MAGEA4: variants seen among roughly 807,000 people sequenced by gnomAD.
MAGEA4 encodes the protein melanoma-associated antigen 4.
A neutral mutation model predicts 13.7 loss-of-function variants in MAGEA4; 1 was observed. The observed-to-expected ratio is 0.07, with a 90% CI of 0.03 to 0.35. MAGEA4 has a LOEUF of 0.35. Ranked by LOEUF, MAGEA4 falls within the 10% of genes least tolerant of loss-of-function variation. The pLI is 0.99. For synonymous variants in MAGEA4, 132 were observed against 101.1 expected, an observed-to-expected ratio of 1.31 and a Z score of -1.83; for missense variants, 312 against 245.1, an observed-to-expected ratio of 1.27 and a Z score of -1.82.
chrX:151,924,919 A>T lies in MAGEA4; in HGVS notation c.*301A>T, dbSNP rs1933641283. On this transcript the variant is annotated 3_prime_UTR_variant, in exon 3 of 3. Transcript: ENST00000276344. ...GCTGTTAATATAGTTTAGGAGTAAG[A>T]GTCTTGTTTTTTATTCAGATTGGGA... 4.5e-6 allele frequency: 1 copy of T among 221,590 alleles called. No individual in the cohort carries two copies. Among genetic ancestry groups the T allele is most frequent in the Non-Finnish European group, 8.5e-6 (1 of 117,664 alleles). 18.3% of individuals were successfully genotyped at this position (221,590 alleles called of 1,213,427 possible). A position where few individuals can be genotyped will look rare whatever the true frequency, so the allele number is the denominator to read the frequency against.
chrX:151,920,990 C>T (rs1320570581), intron 1 of MAGEA4, among the ~76,000 whole-genome samples: 2 of 111,640 alleles, frequency 1.8e-5, no homozygotes, highest in Non-Finnish European at 3.8e-5. Flanking sequence ...TTGTTTAAGC[C>T]ACAGGGGACT....
At chrX:151,920,122 T>C (rs34948037) in intron 1 of MAGEA4, among the ~76,000 whole-genome samples, 47,028 of 102,232 alleles carry the variant, frequency 0.46, 8,495 homozygotes, top group East Asian at 0.65. Flanking sequence ...CCCATCCAGG[T>C]TGAATCGCAT....
chrX:151,912,820 C>T (rs73639006), upstream of MAGEA4: 953 of 120,054 alleles, frequency 7.9e-3, 22 homozygotes, highest in African/African-American at 0.037. Context: ...CCCGGTTCCG[C>T]CCCCGCTTTC....
chrX:151,923,586 C>G lies in MAGEA4; in HGVS notation c.-65-14C>G. ...TCTCAGCTGAGGTCTCTCACATGCT[C>G]CCTCTCTCCGTAGGCCTGTGGGTCC... On this transcript the variant is annotated splice_polypyrimidine_tract_variant and intron_variant, in intron 2 of 2. Coordinates refer to ENST00000276344, the MANE Select transcript of MAGEA4 (RefSeq NM_001011548.1). 8.3e-7 allele frequency: 1 copy of G among 1,210,576 alleles called. No homozygotes were observed. Among genetic ancestry groups the G allele is most frequent in the Non-Finnish European group, 1.1e-6 (1 of 895,180 alleles).
chrX:151,922,218 A>G (rs898160915), intron 1 of MAGEA4, among the ~76,000 whole-genome samples: 1 of 111,717 alleles, frequency 9.0e-6, no homozygotes, highest in Admixed American at 9.4e-5. Flanking sequence ...ACGGGACCCC[A>G]CAGAGTCTGG....
At chrX:151,913,765 G>T (rs5970158) in intron 1 of MAGEA4, 200 of 267,146 alleles carry the variant, frequency 7.5e-4, no homozygotes, top group African/African-American at 5.5e-3. Context: ...AGCTTGGGTT[G>T]ATTAGTGTAA....
At chrX:151,915,751 G>A (rs1481302486) in intron 1 of MAGEA4, 1 of 51,877 alleles carries the variant, frequency 1.9e-5, no homozygotes, top group Admixed American at 1.9e-4. Context: ...TGAGCTTGGG[G>A]CGCCCACCAC....
rs761242053 is a variant in MAGEA4 at position 151,924,448 on chromosome X, G to A, written c.784G>A (p.Val262Ile). Reference sequence around the variant, plus strand: ...GGAAAACTACCTGGAGTACCGGCAGGTACCCGGCAGTAATCCTGCGCGCTA... The same window carrying A: ...GGAAAACTACCTGGAGTACCGGCAGATACCCGGCAGTAATCCTGCGCGCTA... Reference protein sequence around the residue: ...VQENYLEYRQVPGSNPARYEF... With the variant: ...VQENYLEYRQIPGSNPARYEF... Residue 262 changes from valine (V) to isoleucine (I), a missense_variant, in exon 3 of 3, where the codon GTA becomes ATA. By Grantham distance (29) the Val-to-Ile change is conservative (BLOSUM62 3). Coordinates refer to ENST00000276344, the MANE Select transcript of MAGEA4 (RefSeq NM_001011548.1). 1 of 1,211,514 alleles carries A rather than the reference G, an allele frequency of 8.3e-7. No individual in the cohort carries two copies. Among genetic ancestry groups the A allele is most frequent in the African/African-American group, 1.7e-5 (1 of 57,811 alleles).
chrX:151,924,336 G>A lies in MAGEA4; in HGVS notation c.672G>A (p.Glu224=). ...GCGCCTCTGAGGAGGAAATCTGGGA[G>A]GAGCTGGGTGTGATGGGGGTGTATG... ...GDSASEEEIW[E]ELGVMGVYDG... Residue 224 remains glutamate, a synonymous_variant, in exon 3 of 3, where the codon GAG becomes GAA. Transcript: ENST00000276344. The A allele has an allele frequency of 8.3e-7, 1 of 1,211,326 alleles. No homozygotes were observed. Among genetic ancestry groups the A allele is most frequent in the Non-Finnish European group, 1.1e-6 (1 of 895,241 alleles).
intron 1 of MAGEA4, chrX:151,913,480 T>G: frequency 1.4e-6 from 1 of 721,554 alleles, no homozygotes; most frequent in Non-Finnish European, 1.6e-6. Context: ...GGCCCGGATG[T>G]GATGCCACTG....
rs1933581486 is a variant in MAGEA4, at chrX:151,924,010, G to A, written c.346G>A (p.Glu116Lys). 2 of 1,210,954 alleles carry A rather than the reference G, an allele frequency of 1.7e-6. No individual in the cohort carries two copies. Among genetic ancestry groups the A allele is most frequent in the Non-Finnish European group, 2.2e-6 (2 of 895,450 alleles). The change falls in exon 3 of 3, where the codon GAG (glutamate) becomes AAG (lysine). Residue 116 changes from glutamate to lysine, a missense_variant. By Grantham distance (56) the Glu-to-Lys change is moderately conservative (BLOSUM62 1). Coordinates refer to ENST00000276344, the MANE Select transcript of MAGEA4 (RefSeq NM_001011548.1). ...FREALSNKVD[E>K]LAHFLLRKYR... Reference sequence around the variant, plus strand: ...AGAAGCACTCAGTAACAAGGTGGATGAGTTGGCTCATTTTCTGCTCCGCAA... The same window carrying A: ...AGAAGCACTCAGTAACAAGGTGGATAAGTTGGCTCATTTTCTGCTCCGCAA...
At chrX:151,922,476 AC>A (rs1261205418) in intron 1 of MAGEA4, among the ~76,000 whole-genome samples, 4 of 111,067 alleles carry the variant, frequency 3.6e-5, no homozygotes, top group Non-Finnish European at 7.6e-5. Context: ...AGCCCTGGGC[AC>A]CCCACACAGG....
At chrX:151,922,333 G>A (rs1933485622) in intron 1 of MAGEA4, among the ~76,000 whole-genome samples, 1 of 111,249 alleles carries the variant, frequency 9.0e-6, no homozygotes, top group African/African-American at 3.3e-5. Context: ...AGGGAGATGA[G>A]GTTTTGGAGT....
chrX:151,920,444 C>CTATG (rs1304370565), intron 1 of MAGEA4, among the ~76,000 whole-genome samples: 1 of 110,967 alleles, frequency 9.0e-6, no homozygotes, highest in African/African-American at 3.3e-5. Flanking sequence ...CCGCAGGGGA[C>CTATG]TATGGAGTCA....
At chrX:151,922,631 GGTGAGGAAT>G (rs1302690998) in intron 1 of MAGEA4, among the ~76,000 whole-genome samples, 4 of 111,937 alleles carry the variant, frequency 3.6e-5, no homozygotes, top group Admixed American at 9.3e-5. Flanking sequence ...CAAGAGTCCT[GGTGAGGAAT>G]GTGAGGGAGG....
At chrX:151,919,256 A>G (rs1449365288) in intron 1 of MAGEA4, among the ~76,000 whole-genome samples, 1 of 100,829 alleles carries the variant, frequency 9.9e-6, no homozygotes, top group African/African-American at 3.7e-5. Context: ...CGAGGCATCA[A>G]CCTCAGGACC....
intron 1 of MAGEA4, chrX:151,919,787 A>G (rs1933323835): frequency 1.3e-6 from 1 of 742,645 alleles, no homozygotes; most frequent in Non-Finnish European, 1.6e-6. Flanking sequence ...ATAATCCCGA[A>G]CCACTCATGC....
upstream of MAGEA4, chrX:151,912,537 G>A (rs774498114): frequency 2.7e-6 from 1 of 366,505 alleles, no homozygotes; most frequent in Non-Finnish European, 5.3e-6. Context: ...TCTGTGAGGA[G>A]GCAAGGTGGG....
upstream of MAGEA4, chrX:151,912,560 C>T (rs761224248): frequency 5.6e-5 from 20 of 358,318 alleles, no homozygotes; most frequent in Non-Finnish European, 1.0e-4. Flanking sequence ...CAGGCTGTGC[C>T]AGGCGTCAAA....
Sources: gnomAD v4.1 joint callset for allele counts (sites outside exome capture counted in the v4.1 genomes callset) on GRCh38, gnomAD v4.1.1 for gene constraint, MANE v1.5 for transcripts, NCBI Gene and HGNC (gene_info 2026-07-23, HGNC 2026-07-21) for gene names.